SLC4A4: variants seen among roughly 807,000 people sequenced by gnomAD.
SLC4A4 encodes solute carrier family 4 member 4.
SLC4A4 carries 27 observed loss-of-function variants against 111.5 expected under a neutral mutation model. That is an observed-to-expected ratio of 0.24 (90% confidence interval 0.18 to 0.33). SLC4A4 has a LOEUF of 0.33. SLC4A4 is among the 10% of genes least tolerant of loss of function. The probability of loss-of-function intolerance (pLI) is 1.00; values close to 1 mark genes in which losing one functional copy is unlikely to be tolerated. For missense variants in SLC4A4, 909 were observed against 1,315.5 expected (o/e 0.69, Z 4.78); for synonymous variants, 443 against 463.4 (o/e 0.96, Z 0.57).
At chr4:71,062,726 T>C (rs1300201540) in exon 1 of SLC4A4, among the ~76,000 whole-genome samples, 1 of 152,190 alleles carries the variant, frequency 6.6e-6, no homozygotes, top group Non-Finnish European at 1.5e-5. Context: ...GTGGATTTCT[T>C]TGATTTTTCA....
At chr4:71,461,471 G>A (rs1318261358) in intron 12 of SLC4A4, among the ~76,000 whole-genome samples, 7 of 152,010 alleles carry the variant, frequency 4.6e-5, no homozygotes, top group African/African-American at 1.4e-4. Context: ...AGTGTTATAC[G>A]AAGAAACCAA....
chr4:71,245,695 G>A (rs1720606049), intron 2 of SLC4A4, among the ~76,000 whole-genome samples: 1 of 152,004 alleles, frequency 6.6e-6, no homozygotes, highest in African/African-American at 2.4e-5. Flanking sequence ...GAACTAAGAA[G>A]AAAGGACAGG....
At chr4:71,237,377 C>T (rs1466518270) in intron 2 of SLC4A4, among the ~76,000 whole-genome samples, 1 of 152,042 alleles carries the variant, frequency 6.6e-6, no homozygotes, top group Non-Finnish European at 1.5e-5. Context: ...GAAGGCATCA[C>T]AGATATATGT....
intron 2 of SLC4A4, among the ~76,000 whole-genome samples, chr4:71,117,693 T>A (rs902628037): frequency 2.0e-4 from 30 of 152,154 alleles, no homozygotes; most frequent in Admixed American, 1.6e-3. Flanking sequence ...TCTGGCATAA[T>A]GATTTATCTT....
Position 71,271,371 on chromosome 4 carries a change from C to T in SLC4A4, c.253+15972C>T, listed in dbSNP as rs116051171. ...CAAATCTGGTGCTCTTTTTACAGTA[C>T]CTACAGTGATATCTTCTCCCAGAAA... On this transcript the variant is annotated intron_variant, in intron 3 of 25. Coordinates refer to ENST00000264485, the MANE Select transcript of SLC4A4 (RefSeq NM_001098484.3). Among the ~76,000 whole-genome samples the T allele has an allele frequency of 1.5e-3, 227 of 152,222 alleles. 1 individual carries two copies. The highest frequency in any genetic ancestry group is 5.2e-3 in the African/African-American group (217 of 41,534).
chr4:71,375,566 C>A (rs369252850), intron 6 of SLC4A4, among the ~76,000 whole-genome samples: 1 of 152,192 alleles, frequency 6.6e-6, no homozygotes, highest in African/African-American at 2.4e-5. Context: ...GAACTCTGAT[C>A]CTTTTCTGAG....
At chr4:71,542,604 C>T (rs1011447680) in intron 18 of SLC4A4, among the ~76,000 whole-genome samples, 4 of 152,080 alleles carry the variant, frequency 2.6e-5, no homozygotes, top group Non-Finnish European at 4.4e-5. Flanking sequence ...TAGTTTTTCA[C>T]GTACTTCTTA....
chr4:71,096,587 G>A (rs540914286), intron 2 of SLC4A4, among the ~76,000 whole-genome samples: 31 of 152,240 alleles, frequency 2.0e-4, no homozygotes, highest in Non-Finnish European at 3.1e-4. Context: ...AATCCATGAT[G>A]AACAAAACAT....
intron 2 of SLC4A4, among the ~76,000 whole-genome samples, chr4:71,247,180 A>G (rs1221119964): frequency 1.3e-5 from 2 of 148,774 alleles, no homozygotes; most frequent in Non-Finnish European, 3.0e-5. Flanking sequence ...TTTATATTTT[A>G]TAACAAATAT....
intron 18 of SLC4A4, among the ~76,000 whole-genome samples, 184 bp downstream of exon 18, chr4:71,534,572 G>C (rs1034057308): frequency 4.7e-5 from 7 of 147,452 alleles, no homozygotes; most frequent in Non-Finnish European, 8.9e-5. Context: ...TTTAGGGAGA[G>C]CTCATTTAAA....
rs1192005838 is a variant in SLC4A4 at position 71,569,890 on chromosome 4, ATTATATG to A, written c.*2144_*2150del. On this transcript the variant is annotated 3_prime_UTR_variant, in exon 26 of 26. Transcript: ENST00000264485. ...TTTTTCATTAAAATAATAGTGGTGA[ATTATATG>A]TTATTGTGTTAAAACCTCACTTGCC... 1 of 151,738 alleles carries A rather than the reference ATTATATG, an allele frequency of 6.6e-6. No individual in the cohort carries two copies. Among genetic ancestry groups the A allele is most frequent in the Non-Finnish European group, 1.5e-5 (1 of 67,796 alleles). The allele number at this position is 151,738 out of a possible 1,614,324, so 9.4% of individuals were successfully genotyped here. A position where few individuals can be genotyped will look rare whatever the true frequency, so the allele number is the denominator to read the frequency against.
intron 18 of SLC4A4, among the ~76,000 whole-genome samples, chr4:71,537,794 C>T (rs1734691851): frequency 6.6e-6 from 1 of 151,968 alleles, no homozygotes; most frequent in African/African-American, 2.4e-5. Context: ...TGCCCTCTCC[C>T]ACAGAGCCCG....
chr4:71,520,764 T>C (rs1732856299), intron 16 of SLC4A4, among the ~76,000 whole-genome samples: 1 of 152,182 alleles, frequency 6.6e-6, no homozygotes, highest in Non-Finnish European at 1.5e-5. Context: ...TTCACAATTG[T>C]CATACAGCAA....
intron 3 of SLC4A4, among the ~76,000 whole-genome samples, chr4:71,318,698 T>C (rs184427883): frequency 6.6e-6 from 1 of 152,144 alleles, no homozygotes; most frequent in Non-Finnish European, 1.5e-5. Flanking sequence ...AACTAGGCAT[T>C]GGCCAGCTTT....
chr4:71,195,235 T>G (rs1745936772), intron 1 of SLC4A4, among the ~76,000 whole-genome samples: 2 of 141,546 alleles, frequency 1.4e-5, no homozygotes, highest in South Asian at 4.9e-4. Flanking sequence ...TTTGAGTTTT[T>G]TTTTTTTTTT....
At chr4:71,126,941 G>T (rs1000260539) in intron 2 of SLC4A4, among the ~76,000 whole-genome samples, 6 of 152,190 alleles carry the variant, frequency 3.9e-5, no homozygotes, top group Non-Finnish European at 7.3e-5. Flanking sequence ...CAGACAGTGG[G>T]CAGGAGTATT....
intron 21 of SLC4A4, 53 bp from the exon 22 acceptor site, chr4:71,557,659 G>A: frequency 6.5e-7 from 1 of 1,549,356 alleles, no homozygotes; most frequent in South Asian, 1.1e-5. Context: ...GTTAGGCATA[G>A]TGGAAATGTA....
intron 2 of SLC4A4, among the ~76,000 whole-genome samples, chr4:71,115,214 A>G (rs1291332342): frequency 6.7e-6 from 1 of 148,376 alleles, no homozygotes; most frequent in Non-Finnish European, 1.5e-5. Context: ...GAGGGATAGC[A>G]TTGGGAGATA....
In SLC4A4 at chr4:71,497,529, T is replaced by C; in HGVS notation, c.2003T>C (p.Phe668Ser). The C allele has an allele frequency of 6.2e-7, 1 of 1,613,548 alleles. No individual in the cohort carries two copies. The highest frequency in any genetic ancestry group is 8.5e-7 in the Non-Finnish European group (1 of 1,179,738). The change falls in exon 16 of 26, where the codon TTT (phenylalanine) becomes TCT (serine). Residue 668 changes from phenylalanine (F) to serine (S), a missense_variant. Physicochemically the swap from Phe to Ser is radical, Grantham distance 155. Coordinates refer to ENST00000264485, the MANE Select transcript of SLC4A4 (RefSeq NM_001098484.3). ...MYHNTTFDWA[F>S]LSKKECSKYG... ...CATAATACTACCTTTGACTGGGCAT[T>C]TTTGTCGAAGAAGGAGTGTTCAAAA...
Sources: allele counts gnomAD v4.1 joint callset (sites outside exome capture counted in the v4.1 genomes callset), GRCh38; gene constraint gnomAD v4.1.1; transcripts MANE v1.5; gene names NCBI Gene and HGNC (gene_info 2026-07-23, HGNC 2026-07-21).